DHRSX: variants seen among roughly 807,000 people sequenced by gnomAD.
DHRSX encodes the protein polyprenol dehydrogenase.
Under a neutral mutation model 34.0 loss-of-function variants are expected in DHRSX, and 31 were observed. The observed-to-expected ratio is 0.91, with a 90% CI of 0.69 to 1.23. The LOEUF (loss-of-function observed/expected upper bound fraction) is 1.23. Ranked by LOEUF, DHRSX falls within the 50% of genes most tolerant of loss-of-function variation. The pLI is 0.00. For missense variants in DHRSX, 414 were observed against 428.1 expected, an observed-to-expected ratio of 0.97 and a Z score of 0.29; for synonymous variants, 201 against 183.8, an observed-to-expected ratio of 1.09 and a Z score of -0.76.
chrX:2,413,563 G>A (rs1210421528), intron 2 of DHRSX, among the ~76,000 whole-genome samples: 1 of 152,020 alleles, frequency 6.6e-6, no homozygotes, highest in Non-Finnish European at 1.5e-5. Context: ...ACTTGTTTTT[G>A]TCTATTAAAA....
chrX:2,491,851 T>A (rs1238052335), intron 1 of DHRSX, among the ~76,000 whole-genome samples: 1 of 152,196 alleles, frequency 6.6e-6, no homozygotes, highest in Non-Finnish European at 1.5e-5. Context: ...GAGGCTTAGA[T>A]GACCCAGAAG....
intron 1 of DHRSX, among the ~76,000 whole-genome samples, chrX:2,472,874 G>C (rs28483103): frequency 0.21 from 31,299 of 151,974 alleles, 4,313 homozygotes; most frequent in African/African-American, 0.39. Context: ...TAGGAAATCA[G>C]GGATTTCCAA....
rs779150649 is a variant in DHRSX at position 2,428,675 on chromosome X, T to C, written c.110-3371A>G. Among the ~76,000 whole-genome samples, 9 of 152,232 alleles carry C rather than the reference T, an allele frequency of 5.9e-5. No homozygotes were observed. In the South Asian group the frequency reaches 1.7e-3, roughly 28 times the overall value. ...TAGGACAAACACCTAATGTAGATGATGGGTTGATGGGTGCAGCAAACCACC... is the reference window on the plus strand; with the variant it reads ...TAGGACAAACACCTAATGTAGATGACGGGTTGATGGGTGCAGCAAACCACC... On this transcript the variant is annotated intron_variant, in intron 1 of 6. Transcript: ENST00000334651.
intron 3 of DHRSX, among the ~76,000 whole-genome samples, chrX:2,357,714 AAAAAAAG>A (rs1253589639): frequency 6.6e-6 from 1 of 151,830 alleles, no homozygotes; most frequent in Non-Finnish European, 1.5e-5. Context: ...AAAAAAAAAA[AAAAAAAG>A]AATCATTGCT....
In DHRSX at chrX:2,418,861, T is replaced by C. The variant is rs749822777; in HGVS notation, c.217+6336A>G. 1.4e-3 allele frequency among the ~76,000 whole-genome samples: 212 copies of C among 152,296 alleles called. 1 individual carries two copies. Among genetic ancestry groups the C allele is most frequent in the South Asian group, 0.011 (52 of 4,828 alleles). On this transcript the variant is annotated intron_variant, in intron 2 of 6. Coordinates refer to ENST00000334651, the MANE Select transcript of DHRSX (RefSeq NM_145177.3). ...ACAGCAGATATCCACCTAGCATGGA[T>C]GGTCAAAACCAAGGGTTGCCATCCA...
chrX:2,340,460 G>GTA (rs745970460), intron 3 of DHRSX, among the ~76,000 whole-genome samples: 1,945 of 150,892 alleles, frequency 0.013, 50 homozygotes, highest in African/African-American at 0.044. Context: ...GTGTGTGTGT[G>GTA]TATATATATA....
At position 2,384,942 on chromosome X, in the gene DHRSX, G is replaced by GA. The variant is rs927911658; in HGVS notation, c.286+23802dup. Among the ~76,000 whole-genome samples, 143 of 145,122 alleles carry GA rather than the reference G, an allele frequency of 9.9e-4. 1 individual carries two copies. Among genetic ancestry groups the GA allele is most frequent in the East Asian group, 7.8e-3 (37 of 4,756 alleles). ...AAATAAATAAATTTAAAAAAAAAAA[G>GA]AAAAAAAAATATATATATATACATT... On this transcript the variant is annotated intron_variant, in intron 3 of 6. Transcript: ENST00000334651.
In DHRSX at chrX:2,344,577, A is replaced by T. The variant is rs1016667185; in HGVS notation, c.287-52974T>A. On this transcript the variant is annotated intron_variant, in intron 3 of 6. Transcript: ENST00000334651. ...ATGTCCTTTGCAGGGACATGGATGA[A>T]GCTGGAAACCATCATTCTCAGCAAA... is the stretch of plus-strand genomic sequence containing the variant. Among the ~76,000 whole-genome samples, 9 of 152,062 alleles carry T rather than the reference A, an allele frequency of 5.9e-5. 1 individual carries two copies. Among genetic ancestry groups the T allele is most frequent in the Admixed American group, 5.2e-4 (8 of 15,250 alleles).
At position 2,313,614 on chromosome X, in the gene DHRSX, A is replaced by T. The variant is rs749276323; in HGVS notation, c.287-22011T>A. ...GATCTCATGACCTCGTGATCTGCCC[A>T]CCTCGGCCTCCCAAAGTGCTAGAAT... On this transcript the variant is annotated intron_variant, in intron 3 of 6. Coordinates refer to ENST00000334651, the MANE Select transcript of DHRSX (RefSeq NM_145177.3). Among the ~76,000 whole-genome samples the T allele has an allele frequency of 1.2e-3, 178 of 151,842 alleles. 3 individuals are homozygous for T. Among genetic ancestry groups the T allele is most frequent in the Non-Finnish European group, 2.2e-3 (150 of 67,938 alleles).
Position 2,370,778 on chromosome X carries a change from TCTC to T in DHRSX, c.286+37964_286+37966del, listed in dbSNP as rs1165629813. ...CGTGATCACATTTTGGTTGGGTTTC[TCTC>T]CTCCTATCAGGCCCCGGGATGTTGG... is the stretch of plus-strand genomic sequence containing the variant. On this transcript the variant is annotated intron_variant, in intron 3 of 6. Coordinates refer to ENST00000334651, the MANE Select transcript of DHRSX (RefSeq NM_145177.3). Among the ~76,000 whole-genome samples the T allele has an allele frequency of 4.6e-5, 7 of 152,042 alleles. No homozygotes were observed. The East Asian group carries it at 7.7e-4, about 17-fold the overall frequency.
At chrX:2,473,480 G>A (rs1048246715) in intron 1 of DHRSX, among the ~76,000 whole-genome samples, 7 of 151,858 alleles carry the variant, frequency 4.6e-5, no homozygotes, top group East Asian at 3.9e-4. Context: ...AAAATTAGCC[G>A]GGCGTGGTGG....
intron 1 of DHRSX, among the ~76,000 whole-genome samples, chrX:2,495,454 G>A (rs1212913519): frequency 6.6e-6 from 1 of 152,076 alleles, no homozygotes; most frequent in Non-Finnish European, 1.5e-5. Flanking sequence ...CTGGAGTGAA[G>A]TTTTGTACTA....
chrX:2,383,851 G>A (rs749843536), intron 3 of DHRSX, among the ~76,000 whole-genome samples: 1 of 152,208 alleles, frequency 6.6e-6, no homozygotes, highest in East Asian at 1.9e-4. Flanking sequence ...GGACTTGGAT[G>A]GTCAGGAGGC....
chrX:2,488,707 C>T, intron 1 of DHRSX: 1 of 1,613,902 alleles, frequency 6.2e-7, no homozygotes, highest in Non-Finnish European at 8.5e-7. Context: ...ACACCTGCTC[C>T]TGGTCCAGGC....
chrX:2,489,640 C>A (rs760463871), intron 1 of DHRSX: 6 of 1,612,556 alleles, frequency 3.7e-6, no homozygotes, highest in Non-Finnish European at 3.4e-6. Context: ...GGCGCTGCAG[C>A]ATGGCCAGCG....
intron 4 of DHRSX, among the ~76,000 whole-genome samples, chrX:2,267,435 C>T (rs771368203): frequency 1.3e-5 from 2 of 151,858 alleles, no homozygotes; most frequent in South Asian, 4.2e-4. Context: ...GTTCCAGCTA[C>T]TCAGGAGGCT....
intron 1 of DHRSX, among the ~76,000 whole-genome samples, chrX:2,473,133 A>C (rs183465244): frequency 0.21 from 31,190 of 152,020 alleles, 4,259 homozygotes; most frequent in African/African-American, 0.39. Context: ...AACGTGGCAC[A>C]GTCAGCTCGC....
At chrX:2,350,586 C>T (rs992435638) in intron 3 of DHRSX, among the ~76,000 whole-genome samples, 13 of 151,932 alleles carry the variant, frequency 8.6e-5, no homozygotes, top group South Asian at 2.1e-4. Flanking sequence ...GAGAGAGGGA[C>T]GTAGGGAGAT....
chrX:2,239,987 C>T (rs183181999), intron 6 of DHRSX, among the ~76,000 whole-genome samples: 1 of 152,058 alleles, frequency 6.6e-6, no homozygotes, highest in East Asian at 1.9e-4. Flanking sequence ...GATCAGAAAG[C>T]AAACTGCAAA....
Sources: allele counts gnomAD v4.1 joint callset (sites outside exome capture counted in the v4.1 genomes callset), GRCh38; gene constraint gnomAD v4.1.1; transcripts MANE v1.5; gene names NCBI Gene and HGNC (gene_info 2026-07-23, HGNC 2026-07-21).